The following ICA1 variants were observed in gnomAD, a reference collection of about 807,000 sequenced individuals.
ICA1 encodes 69 kDa islet cell autoantigen.
In ICA1, 40 loss-of-function variants were observed where a neutral mutation model predicts 71.0. That is an observed-to-expected ratio of 0.56 (90% confidence interval 0.44 to 0.73). The LOEUF (loss-of-function observed/expected upper bound fraction) is 0.73. ICA1 is among the 30% of genes least tolerant of loss of function. The probability of loss-of-function intolerance (pLI) is 0.00; values close to 1 mark genes in which losing one functional copy is unlikely to be tolerated. For synonymous variants in ICA1, 207 were observed against 209.5 expected (o/e 0.99, Z 0.10); for missense variants, 578 against 576.5 (o/e 1.00, Z -0.03).
rs1791851076 is a variant in ICA1, at chr7:8,132,522, G to GTCT, written c.1061-4381_1061-4380insAGA. On this transcript the variant is annotated intron_variant, in intron 12 of 13. Coordinates refer to ENST00000402384, the MANE Select transcript of ICA1 (RefSeq NM_001136020.3). This position sits in a 1 kb window ranked among gnomAD's most constrained non-coding sequence, Gnocchi z 4.5. ...GAAATAGCTCTCTTGAAGGTCAGCAGTGAGATCCTCATTGCCAGTTCTGAG... is the reference window on the plus strand; with the variant it reads ...GAAATAGCTCTCTTGAAGGTCAGCAGTCTTGAGATCCTCATTGCCAGTTCTGAG... 2.0e-5 allele frequency among the ~76,000 whole-genome samples: 3 copies of GTCT among 152,220 alleles called. No homozygotes were observed. Among genetic ancestry groups the GTCT allele is most frequent in the African/African-American group, 7.2e-5 (3 of 41,448 alleles).
At chr7:8,260,214 G>A (rs1811765581) in intron 1 of ICA1, among the ~76,000 whole-genome samples, 1 of 152,014 alleles carries the variant, frequency 6.6e-6, no homozygotes, top group Non-Finnish European at 1.5e-5. Flanking sequence ...CGCTAATGCT[G>A]CTTGCACCTG....
At chr7:8,220,243 A>T (rs1455210409) in intron 5 of ICA1, among the ~76,000 whole-genome samples, 1 of 152,220 alleles carries the variant, frequency 6.6e-6, no homozygotes, top group Non-Finnish European at 1.5e-5. Context: ...TTGCCCCCAA[A>T]GTCAGGGTCC....
intron 6 of ICA1, among the ~76,000 whole-genome samples, chr7:8,199,485 C>T (rs1456177000): frequency 2.6e-5 from 4 of 152,032 alleles, no homozygotes; most frequent in African/African-American, 7.2e-5. Flanking sequence ...CCAAGGCGGG[C>T]GGATCACTTG....
chr7:8,216,561 T>C (rs1795445800), intron 6 of ICA1, among the ~76,000 whole-genome samples: 1 of 123,462 alleles, frequency 8.1e-6, no homozygotes, highest in Non-Finnish European at 1.8e-5. Context: ...TTACAGTTAG[T>C]AACCACCCCC....
rs764223867 is a variant in ICA1, at chr7:8,156,988, G to A, written c.804+128C>T. On this transcript the variant is annotated intron_variant, in intron 8 of 13. Transcript: ENST00000402384. ...GAAAGAAAGAAAAAGACTCTGCTGGGGGCACAGTTCTCTCTTCAGCATTCT... is the reference window on the plus strand; with the variant it reads ...GAAAGAAAGAAAAAGACTCTGCTGGAGGCACAGTTCTCTCTTCAGCATTCT... 37 of 1,582,510 alleles carry A rather than the reference G, an allele frequency of 2.3e-5. No individual in the cohort carries two copies. In the Admixed American group the frequency reaches 6.2e-4, roughly 27 times the overall value.
At chr7:8,148,010 C>A (rs1471359161) in intron 8 of ICA1, among the ~76,000 whole-genome samples, 5 of 152,086 alleles carry the variant, frequency 3.3e-5, no homozygotes, top group Admixed American at 2.6e-4. Context: ...GTGTGAATGA[C>A]CGTGGGGGTG....
intron 2 of ICA1, among the ~76,000 whole-genome samples, chr7:8,235,706 A>G (rs1801643262): frequency 1.3e-5 from 2 of 152,240 alleles, no homozygotes; most frequent in African/African-American, 2.4e-5. Context: ...GAGAATGCAC[A>G]TTAGGTAAGA....
intron 1 of ICA1, among the ~76,000 whole-genome samples, chr7:8,254,612 C>A (rs1037253784): frequency 5.3e-5 from 8 of 151,066 alleles, no homozygotes; most frequent in Admixed American, 4.6e-4. Flanking sequence ...AAGCACAAGA[C>A]TGGTTATTTT....
chr7:8,253,744 G>T (rs1000785682), intron 1 of ICA1, among the ~76,000 whole-genome samples: 1 of 152,162 alleles, frequency 6.6e-6, no homozygotes, highest in Non-Finnish European at 1.5e-5. Flanking sequence ...GCAGGGCTCT[G>T]CAGGACTTGA....
intron 6 of ICA1, among the ~76,000 whole-genome samples, chr7:8,199,084 C>T (rs763540891): frequency 3.3e-5 from 5 of 152,154 alleles, no homozygotes; most frequent in Non-Finnish European, 7.4e-5. Flanking sequence ...ATCCAAAAGA[C>T]AGGCAATAAC....
chr7:8,250,844 C>T (rs1179633769), intron 1 of ICA1, among the ~76,000 whole-genome samples: 1 of 152,158 alleles, frequency 6.6e-6, no homozygotes, highest in Non-Finnish European at 1.5e-5. Context: ...ATGCAAGCCA[C>T]TGTTAAAATC....
At chr7:8,191,715 C>T (rs1785708996) in intron 6 of ICA1, among the ~76,000 whole-genome samples, 2 of 151,792 alleles carry the variant, frequency 1.3e-5, no homozygotes, top group East Asian at 1.9e-4. Context: ...AGTAATATTA[C>T]ATATTATTAT....
intron 13 of ICA1, among the ~76,000 whole-genome samples, chr7:8,115,782 G>A (rs575748516): frequency 3.9e-5 from 6 of 152,330 alleles, no homozygotes; most frequent in African/African-American, 1.4e-4. Flanking sequence ...GTCGAGCAGA[G>A]GCTCCCTTGG....
Position 8,132,658 on chromosome 7 carries a change from C to G in ICA1, c.1061-4516G>C, listed in dbSNP as rs1791911145. Among the ~76,000 whole-genome samples the G allele has an allele frequency of 6.6e-6, 1 of 152,204 alleles. No individual in the cohort carries two copies. The highest frequency in any genetic ancestry group is 2.1e-4 in the South Asian group (1 of 4,826). On this transcript the variant is annotated intron_variant, in intron 12 of 13. Coordinates refer to ENST00000402384, the MANE Select transcript of ICA1 (RefSeq NM_001136020.3). The surrounding 1 kb of genome is among the most constrained non-coding windows in gnomAD (Gnocchi z 4.5). ...GAGGCGGCTCTCTCGGATGACCTCC[C>G]ATCTCCCTGACAGTACCTTCTCCAC... is the stretch of plus-strand genomic sequence containing the variant.
At chr7:8,260,118 C>G (rs370674460) in intron 1 of ICA1, among the ~76,000 whole-genome samples, 6 of 152,250 alleles carry the variant, frequency 3.9e-5, no homozygotes, top group East Asian at 1.9e-4. Context: ...CTCCCTCTCT[C>G]GCATGAGGTT....
chr7:8,127,061 C>A (rs560465815), intron 13 of ICA1, among the ~76,000 whole-genome samples: 1 of 152,054 alleles, frequency 6.6e-6, no homozygotes, highest in African/African-American at 2.4e-5. Flanking sequence ...TGTAACTTTG[C>A]CTCCTGGGTT....
intron 6 of ICA1, among the ~76,000 whole-genome samples, chr7:8,214,098 C>T (rs79097242): frequency 0.017 from 2,595 of 152,312 alleles, 73 homozygotes; most frequent in African/African-American, 0.06. Context: ...TATAAATGCC[C>T]ACGTATACAT....
At chr7:8,238,577 A>G (rs1035261466) in intron 1 of ICA1, among the ~76,000 whole-genome samples, 3 of 152,200 alleles carry the variant, frequency 2.0e-5, no homozygotes, top group East Asian at 1.9e-4. Context: ...GTTTGCAAAT[A>G]TTTTCTCATA....
rs1018307094 is a variant in ICA1 at position 8,123,052 on chromosome 7, G to A, written c.1330+4821C>T. ...CCTCCTACTCACACAAAGTGGCCTT[G>A]GGAAGGCACAATTTTCTCATCACTG... On this transcript the variant is annotated intron_variant, in intron 13 of 13. Coordinates refer to ENST00000402384, the MANE Select transcript of ICA1 (RefSeq NM_001136020.3). This position sits in a 1 kb window ranked among gnomAD's most constrained non-coding sequence, Gnocchi z 4.1. 3.3e-5 allele frequency among the ~76,000 whole-genome samples: 5 copies of A among 152,112 alleles called. No individual in the cohort carries two copies. The highest frequency in any genetic ancestry group is 1.2e-4 in the African/African-American group (5 of 41,418).
Sources: gnomAD v4.1 joint callset for allele counts (sites outside exome capture counted in the v4.1 genomes callset) on GRCh38, gnomAD v4.1.1 for gene constraint, Gnocchi (gnomAD v3.1) non-coding constraint, MANE v1.5 for transcripts, NCBI Gene and HGNC (gene_info 2026-07-23, HGNC 2026-07-21) for gene names.